Variants in SLC24A4 observed in about 807,000 individuals in gnomAD.
SLC24A4 encodes the protein solute carrier family 24 member 4, also known as sodium/potassium/calcium exchanger 4.
SLC24A4 carries 53 observed loss-of-function variants against 79.0 expected under a neutral mutation model. That is an observed-to-expected ratio of 0.67 (90% CI 0.54 to 0.84). SLC24A4 has a LOEUF of 0.84. SLC24A4 is among the 40% of genes least tolerant of loss of function. The probability of loss-of-function intolerance (pLI) is 0.00; values close to 1 mark genes in which losing one functional copy is unlikely to be tolerated. For synonymous variants in SLC24A4, 323 were observed against 323.8 expected (o/e 1.00, Z 0.03); for missense variants, 731 against 822.0 (o/e 0.89, Z 1.35).
chr14:92,433,352 A>C (rs1475112855), intron 2 of SLC24A4, among the ~76,000 whole-genome samples: 1 of 152,242 alleles, frequency 6.6e-6, no homozygotes, highest in African/African-American at 2.4e-5. Context: ...AACCCCAAGC[A>C]TTTGATTTAG....
At chr14:92,336,715 G>C (rs894988437) in intron 2 of SLC24A4, among the ~76,000 whole-genome samples, 2 of 152,298 alleles carry the variant, frequency 1.3e-5, no homozygotes, top group South Asian at 4.1e-4. Flanking sequence ...GCCACCTGCC[G>C]CAAATACCAC....
chr14:92,396,375 A>G (rs558598181), intron 2 of SLC24A4, among the ~76,000 whole-genome samples: 2 of 152,260 alleles, frequency 1.3e-5, no homozygotes, highest in South Asian at 4.1e-4. Flanking sequence ...GCTTCTTTTC[A>G]TCATGGACTC....
chr14:92,478,079 T>C (rs577927490), intron 12 of SLC24A4, among the ~76,000 whole-genome samples: 86 of 152,324 alleles, frequency 5.6e-4, no homozygotes, highest in African/African-American at 2.0e-3. Context: ...AGTGCTGAGA[T>C]TACAGGCATG....
At chr14:92,340,112 C>T (rs1886041540) in intron 2 of SLC24A4, among the ~76,000 whole-genome samples, 1 of 152,202 alleles carries the variant, frequency 6.6e-6, no homozygotes. Flanking sequence ...GACCCCTCTA[C>T]AGGATACTAG....
chr14:92,487,018 A>G (rs1191670681), intron 14 of SLC24A4, among the ~76,000 whole-genome samples: 2 of 152,232 alleles, frequency 1.3e-5, no homozygotes, highest in East Asian at 1.9e-4. Context: ...GTGTGGTTGT[A>G]TAAAAACAAA....
At chr14:92,485,787 T>C (rs1895320291) in intron 13 of SLC24A4, among the ~76,000 whole-genome samples, 1 of 152,212 alleles carries the variant, frequency 6.6e-6, no homozygotes, top group Non-Finnish European at 1.5e-5. Context: ...TCAGTTCTGC[T>C]AATTTTCAGT....
Position 92,454,030 on chromosome 14 carries a change from G to A in SLC24A4, c.1011G>A (p.Arg337=). The change falls in exon 11 of 17, where the codon AGG becomes AGA. Residue 337 remains arginine (R), a synonymous_variant. Coordinates refer to ENST00000532405, the MANE Select transcript of SLC24A4 (RefSeq NM_153646.4). ...RIMITNKFGP[R]TRLRMASRII... ...TGATCACCAATAAGTTTGGACCCAG[G>A]ACCCGACTACGGATGGCCAGCAGGA... is the stretch of plus-strand genomic sequence containing the variant. 4 of 1,613,306 alleles carry A rather than the reference G, an allele frequency of 2.5e-6. No individual in the cohort carries two copies. The East Asian group carries it at 6.7e-5, about 27-fold the overall frequency.
intron 13 of SLC24A4, 86 bp from the exon 14 acceptor site, chr14:92,486,580 G>A (rs930418854): frequency 1.6e-5 from 13 of 803,474 alleles, no homozygotes; most frequent in East Asian, 5.3e-5. Flanking sequence ...TGTTTCCTAC[G>A]CTTACAGTGT....
chr14:92,360,185 G>A (rs1887424630), intron 2 of SLC24A4, among the ~76,000 whole-genome samples: 1 of 152,226 alleles, frequency 6.6e-6, no homozygotes, highest in South Asian at 2.1e-4. Context: ...GCCTCCCAAA[G>A]TGCTGAGATT....
At chr14:92,433,175 A>C (rs1325585095) in intron 2 of SLC24A4, among the ~76,000 whole-genome samples, 1 of 151,988 alleles carries the variant, frequency 6.6e-6, no homozygotes, top group Non-Finnish European at 1.5e-5. Context: ...AGAGTGCCCT[A>C]AACAGGATCT....
chr14:92,466,853 A>G (rs756046345), intron 12 of SLC24A4, among the ~76,000 whole-genome samples: 3 of 152,216 alleles, frequency 2.0e-5, no homozygotes, highest in African/African-American at 7.2e-5. Context: ...ATTGTCTATG[A>G]TGCTTCAGTC....
At chr14:92,479,539 A>G (rs1210025843) in intron 12 of SLC24A4, among the ~76,000 whole-genome samples, 1 of 152,238 alleles carries the variant, frequency 6.6e-6, no homozygotes, top group Non-Finnish European at 1.5e-5. Flanking sequence ...TCAAGCTTTC[A>G]TTCCTGGGAT....
intron 2 of SLC24A4, among the ~76,000 whole-genome samples, chr14:92,358,499 A>T (rs992965008): frequency 6.6e-6 from 1 of 151,968 alleles, no homozygotes; most frequent in African/African-American, 2.4e-5. Context: ...TACTCATCAT[A>T]ATGTGGTGAA....
At chr14:92,421,641 A>C (rs1350922242) in intron 2 of SLC24A4, among the ~76,000 whole-genome samples, 4 of 151,946 alleles carry the variant, frequency 2.6e-5, no homozygotes, top group African/African-American at 9.7e-5. Context: ...CCAAGTAGCT[A>C]GGACTGCAGG....
At chr14:92,431,262 TA>T (rs1424885813) in intron 2 of SLC24A4, among the ~76,000 whole-genome samples, 1 of 152,196 alleles carries the variant, frequency 6.6e-6, no homozygotes. Flanking sequence ...AGCTCAGTAG[TA>T]TCACTTCTTA....
chr14:92,387,736 G>A (rs1216156335), intron 2 of SLC24A4, among the ~76,000 whole-genome samples: 1 of 152,174 alleles, frequency 6.6e-6, no homozygotes, highest in Non-Finnish European at 1.5e-5. Flanking sequence ...CCAGCCCCTG[G>A]CAATCCCCAG....
At chr14:92,460,890 A>G (rs2139862521) in intron 12 of SLC24A4, among the ~76,000 whole-genome samples, 1 of 152,258 alleles carries the variant, frequency 6.6e-6, no homozygotes, top group East Asian at 1.9e-4. Context: ...TTCGGTGCCC[A>G]CCTGGCCTGA....
intron 12 of SLC24A4, among the ~76,000 whole-genome samples, chr14:92,469,624 TAGC>T (rs1894325240): frequency 6.6e-6 from 1 of 152,182 alleles, no homozygotes; most frequent in Non-Finnish European, 1.5e-5. Flanking sequence ...CAAGAGTTCA[TAGC>T]AGCATTATTC....
chr14:92,491,932 CT>C (rs1230685565), intron 15 of SLC24A4, among the ~76,000 whole-genome samples, 155 bp downstream of exon 15: 2 of 152,212 alleles, frequency 1.3e-5, no homozygotes, highest in African/African-American at 4.8e-5. Context: ...TTAGGGATGT[CT>C]ACACTTCCAC....
Sources: allele counts gnomAD v4.1 joint callset (sites outside exome capture counted in the v4.1 genomes callset), GRCh38; gene constraint gnomAD v4.1.1; transcripts MANE v1.5; gene names NCBI Gene and HGNC (gene_info 2026-07-23, HGNC 2026-07-21).